The following NDFIP1 variants were observed in gnomAD, a reference collection of about 807,000 sequenced individuals.
The protein encoded by NDFIP1 is Nedd4 family interacting protein 1.
NDFIP1 carries 7 observed loss-of-function variants against 28.8 expected under a neutral mutation model. The observed-to-expected ratio is 0.24, with a 90% CI of 0.14 to 0.46. The LOEUF is 0.46. Ranked by LOEUF, NDFIP1 falls within the 20% of genes least tolerant of loss-of-function variation. The probability of loss-of-function intolerance (pLI) is 0.99; values close to 1 mark genes in which losing one functional copy is unlikely to be tolerated. For synonymous variants in NDFIP1, 92 were observed against 101.0 expected, an observed-to-expected ratio of 0.91 and a Z score of 0.53; for missense variants, 194 against 269.1, an observed-to-expected ratio of 0.72 and a Z score of 1.95.
chr5:142,131,278 A>G (rs1261410932), intron 1 of NDFIP1, among the ~76,000 whole-genome samples: 1 of 150,452 alleles, frequency 6.6e-6, no homozygotes, highest in Non-Finnish European at 1.5e-5. Context: ...CTGAAATTTA[A>G]TGTATATTTT....
At chr5:142,117,472 AC>A (rs1264180155) in intron 1 of NDFIP1, among the ~76,000 whole-genome samples, 1 of 151,190 alleles carries the variant, frequency 6.6e-6, no homozygotes, top group Non-Finnish European at 1.5e-5. Flanking sequence ...CGATCTCTTG[AC>A]CTCGTGATCC....
intron 6 of NDFIP1, chr5:142,142,914 T>C (rs1219843791): frequency 3.0e-5 from 1 of 33,168 alleles, no homozygotes; most frequent in Non-Finnish European, 5.3e-5. Context: ...CAAGATTCCA[T>C]CTCAAAAAAA....
In NDFIP1 at chr5:142,108,780, G is replaced by T; in HGVS notation, c.-195G>T. The T allele has an allele frequency of 2.4e-6, 1 of 424,254 alleles. No individual in the cohort carries two copies. The highest frequency in any genetic ancestry group is 5.8e-5 in the South Asian group (1 of 17,114). The allele number at this position is 424,254 out of a possible 1,614,324, so 26.3% of individuals were successfully genotyped here. On this transcript the variant is annotated 5_prime_UTR_variant, in exon 1 of 8. In the 5' UTR this introduces an upstream ATG that the reference lacks. Transcript: ENST00000253814. ...CGTCGTAGTCCCCGCCTCTTCCCCA[G>T]GGGCCGCGTCGGAGCCTCGGCGGCG...
intron 7 of NDFIP1, among the ~76,000 whole-genome samples, chr5:142,148,295 A>C (rs898473603): frequency 6.6e-6 from 1 of 152,194 alleles, no homozygotes; most frequent in African/African-American, 2.4e-5. Flanking sequence ...TAAACATTAA[A>C]GCTCATGTAC....
At chr5:142,145,517 G>A (rs1479015723) in intron 7 of NDFIP1, among the ~76,000 whole-genome samples, 2 of 152,086 alleles carry the variant, frequency 1.3e-5, no homozygotes, top group African/African-American at 4.8e-5. Flanking sequence ...ACCACCTAGA[G>A]GCCAGTCCAG....
chr5:142,124,516 A>AT (rs2126914395), intron 1 of NDFIP1, among the ~76,000 whole-genome samples: 1 of 152,330 alleles, frequency 6.6e-6, no homozygotes, highest in East Asian at 1.9e-4. Flanking sequence ...AGTTATATTG[A>AT]TACATATTAA....
intron 1 of NDFIP1, among the ~76,000 whole-genome samples, chr5:142,130,959 AT>A (rs1170984627): frequency 1.9e-3 from 278 of 146,264 alleles, no homozygotes; most frequent in African/African-American, 5.0e-3. Flanking sequence ...ATGAAATTTA[AT>A]TTTTTTTTTT....
intron 1 of NDFIP1, among the ~76,000 whole-genome samples, chr5:142,123,228 G>A (rs1302250722): frequency 1.3e-5 from 2 of 152,160 alleles, no homozygotes; most frequent in African/African-American, 4.8e-5. Context: ...CTCCCAAAGT[G>A]CTGGTATTAC....
chr5:142,144,597 A>G lies in NDFIP1; in HGVS notation c.589A>G (p.Ile197Val), dbSNP rs747610907. 5 of 1,612,244 alleles carry G rather than the reference A, an allele frequency of 3.1e-6. No individual in the cohort carries two copies. In the African/African-American group the frequency reaches 6.7e-5, roughly 22 times the overall value. The change falls in exon 7 of 8, where the codon ATC (isoleucine) becomes GTC (valine). Residue 197 changes from isoleucine (I) to valine (V), a missense_variant. Physicochemically the swap from Ile to Val is conservative, Grantham distance 29. Transcript: ENST00000253814. Reference protein sequence around the residue: ...LGFLLFLRGFINYAKVRKMPE... With the variant: ...LGFLLFLRGFVNYAKVRKMPE... ...CTTTCTCCTGTTTCTCAGAGGATTT[A>G]TCAATTATGCAAAAGTTCGGAAGAT...
At chr5:142,141,257 G>A (rs1308640182) in intron 6 of NDFIP1, among the ~76,000 whole-genome samples, 1 of 130,132 alleles carries the variant, frequency 7.7e-6, no homozygotes, top group Non-Finnish European at 1.6e-5. Flanking sequence ...CTCACTGCAA[G>A]CTCCACCTCC....
At chr5:142,109,354 G>A (rs988681694) in intron 1 of NDFIP1, among the ~76,000 whole-genome samples, 1 of 152,186 alleles carries the variant, frequency 6.6e-6, no homozygotes, top group East Asian at 1.9e-4. Flanking sequence ...TGAGGCATTC[G>A]TTTTTCATTT....
At chr5:142,151,548 A>G (rs1757447221) in intron 7 of NDFIP1, among the ~76,000 whole-genome samples, 183 bp from the exon 8 acceptor site, 1 of 152,212 alleles carries the variant, frequency 6.6e-6, no homozygotes, top group Non-Finnish European at 1.5e-5. Context: ...GGCCTTGATA[A>G]CTTTAAGAAC....
chr5:142,137,661 G>C, intron 4 of NDFIP1, 73 bp from the exon 5 acceptor site: 1 of 1,552,934 alleles, frequency 6.4e-7, no homozygotes, highest in East Asian at 2.3e-5. Flanking sequence ...TTTAAACAGA[G>C]GCAGGTGTAA....
At position 142,132,218 on chromosome 5, in the gene NDFIP1, T is replaced by G; in HGVS notation, c.158T>G (p.Phe53Cys). Reference sequence around the variant, plus strand: ...GACTGTTAAAATTCTGCAGCATATTTTGACTACAAGGATGAGTCTGGGTTT... The same window carrying G: ...GACTGTTAAAATTCTGCAGCATATTGTGACTACAAGGATGAGTCTGGGTTT... ...SSISAESAAYFDYKDESGFPK... is the reference protein window; with the variant it reads ...SSISAESAAYCDYKDESGFPK... The change falls in exon 3 of 8, where the codon TTT (phenylalanine) becomes TGT (cysteine). Residue 53 changes from phenylalanine to cysteine, a missense_variant. Coordinates refer to ENST00000253814, the MANE Select transcript of NDFIP1 (RefSeq NM_030571.4). 1.9e-6 allele frequency: 3 copies of G among 1,607,660 alleles called. No homozygotes were observed. Among genetic ancestry groups the G allele is most frequent in the Non-Finnish European group, 2.5e-6 (3 of 1,178,638 alleles).
chr5:142,153,194 C>T lies in NDFIP1; in HGVS notation c.*1466C>T, dbSNP rs1757465303. ...TTGAAATTAAAGATTCCTCATTTCTCCTGATTTCTATTCTTGTCTCAATCT... is the reference window on the plus strand; with the variant it reads ...TTGAAATTAAAGATTCCTCATTTCTTCTGATTTCTATTCTTGTCTCAATCT... On this transcript the variant is annotated 3_prime_UTR_variant, in exon 8 of 8. Coordinates refer to ENST00000253814, the MANE Select transcript of NDFIP1 (RefSeq NM_030571.4). 2.3e-6 allele frequency: 1 copy of T among 438,224 alleles called. No individual in the cohort carries two copies. The highest frequency in any genetic ancestry group is 2.5e-5 in the Admixed American group (1 of 40,108). 27.1% of individuals were successfully genotyped at this position (438,224 alleles called of 1,614,324 possible).
intron 1 of NDFIP1, among the ~76,000 whole-genome samples, chr5:142,120,164 C>T (rs1371132615): frequency 6.6e-6 from 1 of 152,156 alleles, no homozygotes. Flanking sequence ...CTATGTTGGT[C>T]AGGCTGGTCT....
At chr5:142,111,022 G>A (rs4912622) in intron 1 of NDFIP1, among the ~76,000 whole-genome samples, 101,688 of 151,616 alleles carry the variant, frequency 0.67, 34,398 homozygotes, top group African/African-American at 0.76. Flanking sequence ...TCACAGTCCA[G>A]ATATAGGTGT....
intron 2 of NDFIP1, 111 bp from the exon 3 acceptor site, chr5:142,132,101 A>G: frequency 7.8e-7 from 1 of 1,282,668 alleles, no homozygotes; most frequent in Non-Finnish European, 1.1e-6. Context: ...TTCAATTGTT[A>G]TGTATGTACT....
At chr5:142,138,427 A>G (rs1757295868) in intron 5 of NDFIP1, among the ~76,000 whole-genome samples, 1 of 152,254 alleles carries the variant, frequency 6.6e-6, no homozygotes, top group Non-Finnish European at 1.5e-5. Context: ...TTAAATTTGC[A>G]TGAAGTAATT....
Sources: gnomAD v4.1 joint callset for allele counts (sites outside exome capture counted in the v4.1 genomes callset) on GRCh38, gnomAD v4.1.1 for gene constraint, MANE v1.5 for transcripts, NCBI Gene and HGNC (gene_info 2026-07-23, HGNC 2026-07-21) for gene names.